ZMYM4: variants seen among roughly 807,000 people sequenced by gnomAD.
The protein encoded by ZMYM4 is zinc finger MYM-type containing 4.
A neutral mutation model predicts 183.2 loss-of-function variants in ZMYM4; 31 were observed. That is an observed-to-expected ratio of 0.17 (90% CI 0.13 to 0.23). The LOEUF (loss-of-function observed/expected upper bound fraction) is 0.23. ZMYM4 is among the 10% of genes least tolerant of loss of function. The probability of loss-of-function intolerance (pLI) is 1.00; values close to 1 mark genes in which losing one functional copy is unlikely to be tolerated. For synonymous variants in ZMYM4, 592 were observed against 631.2 expected, an observed-to-expected ratio of 0.94 and a Z score of 0.93; for missense variants, 1,273 against 1,840.3, an observed-to-expected ratio of 0.69 and a Z score of 5.64.
chr1:35,271,899 G>T lies in ZMYM4; in HGVS notation c.39+2814G>T, dbSNP rs144898462. 7.9e-5 allele frequency among the ~76,000 whole-genome samples: 12 copies of T among 152,254 alleles called. 2 individuals carry two copies. Among genetic ancestry groups the T allele is most frequent in the African/African-American group, 2.4e-4 (10 of 41,540 alleles). ...CATTGCTTGAGCCCAGGAGTTGGAG[G>T]TTGCAGTGAGCTATGATATTGCCAC... On this transcript the variant is annotated intron_variant, in intron 1 of 29. Transcript: ENST00000314607.
chr1:35,292,746 C>T (rs145351550), intron 1 of ZMYM4, among the ~76,000 whole-genome samples: 2,672 of 152,232 alleles, frequency 0.018, 72 homozygotes, highest in African/African-American at 0.06. Context: ...GTGATCCACT[C>T]GCCTCGGCCT....
intron 20 of ZMYM4, 74 bp from the exon 21 acceptor site, chr1:35,398,339 A>T: frequency 7.9e-7 from 1 of 1,267,300 alleles, no homozygotes; most frequent in Non-Finnish European, 1.1e-6. Flanking sequence ...TGATGTATAT[A>T]GTGCAGTCAT....
chr1:35,350,162 G>T (rs1643547963), intron 2 of ZMYM4, among the ~76,000 whole-genome samples: 1 of 147,238 alleles, frequency 6.8e-6, no homozygotes, highest in South Asian at 2.1e-4. Flanking sequence ...ACGAGGTCTT[G>T]CTGTGTTGCC....
chr1:35,301,736 A>G (rs1218104313), intron 1 of ZMYM4, among the ~76,000 whole-genome samples: 1 of 152,012 alleles, frequency 6.6e-6, no homozygotes, highest in Non-Finnish European at 1.5e-5. Flanking sequence ...TACTCTGCAG[A>G]TCTCTGAACT....
chr1:35,399,771 A>G (rs1050433816), intron 23 of ZMYM4, among the ~76,000 whole-genome samples, 195 bp downstream of exon 23: 3 of 151,968 alleles, frequency 2.0e-5, no homozygotes, highest in African/African-American at 7.2e-5. Context: ...TTTTGTTTCT[A>G]TAGTTAAGGG....
intron 1 of ZMYM4, among the ~76,000 whole-genome samples, chr1:35,293,952 A>T (rs1278769253): frequency 6.6e-6 from 1 of 152,062 alleles, no homozygotes; most frequent in East Asian, 1.9e-4. Flanking sequence ...TGGCTAATAC[A>T]GTGAAACCCC....
At chr1:35,379,434 C>G (rs955171173) in intron 7 of ZMYM4, among the ~76,000 whole-genome samples, 25 of 152,164 alleles carry the variant, frequency 1.6e-4, no homozygotes, top group African/African-American at 6.0e-4. Context: ...CGTGGTTTCA[C>G]CATGTTGGCT....
At chr1:35,310,691 G>C (rs1048606505) in intron 1 of ZMYM4, among the ~76,000 whole-genome samples, 3 of 151,980 alleles carry the variant, frequency 2.0e-5, no homozygotes, top group Admixed American at 2.0e-4. Context: ...TGGTTCTCCT[G>C]CTTCAGCCTC....
rs1012113495 is a variant in ZMYM4, at chr1:35,420,610, T to C, written c.*933T>C. 6.6e-6 allele frequency: 1 copy of C among 152,650 alleles called. No individual in the cohort carries two copies. The highest frequency in any genetic ancestry group is 1.9e-4 in the East Asian group (1 of 5,196). The allele number at this position is 152,650 out of a possible 1,614,324, so 9.5% of individuals were successfully genotyped here. Reference sequence around the variant, plus strand: ...TTCTCCCGTTGTTTTACCTTCCTATTTCCCAAACAGTTCCTCTTATTTTGT... The same window carrying C: ...TTCTCCCGTTGTTTTACCTTCCTATCTCCCAAACAGTTCCTCTTATTTTGT... On this transcript the variant is annotated 3_prime_UTR_variant, in exon 30 of 30. Coordinates refer to ENST00000314607, the MANE Select transcript of ZMYM4 (RefSeq NM_005095.3).
intron 24 of ZMYM4, 53 bp downstream of exon 24, chr1:35,405,247 A>C: frequency 1.9e-6 from 3 of 1,596,700 alleles, no homozygotes; most frequent in Non-Finnish European, 2.6e-6. Context: ...AAATATACAG[A>C]TAATCTACTG....
chr1:35,357,243 C>G (rs1234432305), intron 2 of ZMYM4, among the ~76,000 whole-genome samples: 3 of 152,112 alleles, frequency 2.0e-5, no homozygotes, highest in Non-Finnish European at 2.9e-5. Context: ...TACAGATAAT[C>G]CAACTCAAAT....
At chr1:35,391,968 G>A (rs746039207) in intron 15 of ZMYM4, among the ~76,000 whole-genome samples, 1 of 152,144 alleles carries the variant, frequency 6.6e-6, no homozygotes, top group South Asian at 2.1e-4. Flanking sequence ...TTGAACCCGG[G>A]AGGTGGAGGT....
At chr1:35,392,477 C>A in intron 16 of ZMYM4, 125 bp downstream of exon 16, 1 of 1,349,638 alleles carries the variant, frequency 7.4e-7, no homozygotes, top group Non-Finnish European at 1.0e-6. Flanking sequence ...TAGTGGCTTG[C>A]TGCACAAGTT....
At chr1:35,405,982 A>G (rs902311195) in intron 25 of ZMYM4, among the ~76,000 whole-genome samples, 1 of 152,154 alleles carries the variant, frequency 6.6e-6, no homozygotes, top group African/African-American at 2.4e-5. Flanking sequence ...ACCCTATTCT[A>G]AATTTTTGTT....
chr1:35,407,208 CG>C (rs922343773), intron 25 of ZMYM4, among the ~76,000 whole-genome samples: 1 of 151,862 alleles, frequency 6.6e-6, no homozygotes, highest in Non-Finnish European at 1.5e-5. Context: ...CCGAGGCGGG[CG>C]GATCACCAGA....
chr1:35,375,485 A>G (rs1010670608), intron 7 of ZMYM4, among the ~76,000 whole-genome samples: 1 of 152,168 alleles, frequency 6.6e-6, no homozygotes. Context: ...TATGTAGTCA[A>G]ACAGGTTTCA....
chr1:35,365,809 C>T (rs1051858137), intron 5 of ZMYM4, among the ~76,000 whole-genome samples: 1 of 152,072 alleles, frequency 6.6e-6, no homozygotes, highest in African/African-American at 2.4e-5. Context: ...TAGTATTTGG[C>T]TACTCATTGA....
rs528276052 is a variant in ZMYM4, at chr1:35,364,220, T to A, written c.840+2431T>A. Among the ~76,000 whole-genome samples the A allele has an allele frequency of 1.1e-3, 175 of 152,324 alleles. 1 individual carries two copies. The highest frequency in any genetic ancestry group is 4.1e-3 in the African/African-American group (169 of 41,578). On this transcript the variant is annotated intron_variant, in intron 5 of 29. Coordinates refer to ENST00000314607, the MANE Select transcript of ZMYM4 (RefSeq NM_005095.3). ...GGCTTACTCCCTGATTGATTGGACT[T>A]GAGAATTAAGCAGTAATGTGAGTAG...
intron 2 of ZMYM4, among the ~76,000 whole-genome samples, chr1:35,345,906 C>T (rs1333321352): frequency 7.9e-5 from 12 of 152,164 alleles, no homozygotes; most frequent in South Asian, 2.1e-4. Flanking sequence ...TTTCATTTTG[C>T]GAAACTGAAA....
Sources: allele counts gnomAD v4.1 joint callset (sites outside exome capture counted in the v4.1 genomes callset), GRCh38; gene constraint gnomAD v4.1.1; transcripts MANE v1.5; gene names NCBI Gene and HGNC (gene_info 2026-07-23, HGNC 2026-07-21).